SUGCT: variants seen among roughly 807,000 people sequenced by gnomAD.
The protein encoded by SUGCT is succinyl-CoA:glutarate CoA-transferase.
A neutral mutation model predicts 55.0 loss-of-function variants in SUGCT; 41 were observed. That is an observed-to-expected ratio of 0.74 (90% CI 0.58 to 0.97). The LOEUF (loss-of-function observed/expected upper bound fraction) is 0.97, where lower values mean the gene tolerates loss of function less well. SUGCT is among the 50% of genes least tolerant of loss of function. The pLI is 0.00. For missense variants in SUGCT, 568 were observed against 547.8 expected (o/e 1.04, Z -0.37); for synonymous variants, 187 against 200.4 (o/e 0.93, Z 0.56).
chr7:40,795,822 G>A (rs1246906909), intron 13 of SUGCT, among the ~76,000 whole-genome samples: 1 of 152,138 alleles, frequency 6.6e-6, no homozygotes, highest in African/African-American at 2.4e-5. Flanking sequence ...ATGGGAACTT[G>A]GGAAGGTGAA....
At chr7:40,389,542 A>G (rs1273541500) in intron 9 of SUGCT, among the ~76,000 whole-genome samples, 1 of 152,234 alleles carries the variant, frequency 6.6e-6, no homozygotes, top group African/African-American at 2.4e-5. Context: ...GCAACAAACA[A>G]TAATAACTAC....
chr7:40,738,932 T>A (rs528423660), intron 12 of SUGCT, among the ~76,000 whole-genome samples: 1 of 152,294 alleles, frequency 6.6e-6, no homozygotes, highest in African/African-American at 2.4e-5. Flanking sequence ...AAATGTTTTC[T>A]ACTAAAACTC....
intron 12 of SUGCT, among the ~76,000 whole-genome samples, chr7:40,639,240 A>C (rs1305274029): frequency 1.3e-5 from 2 of 152,274 alleles, no homozygotes; most frequent in African/African-American, 4.8e-5. Context: ...GTAAACTGTG[A>C]TGGCAGGACC....
chr7:40,457,530 A>G (rs1396311237), intron 10 of SUGCT, among the ~76,000 whole-genome samples: 1 of 152,130 alleles, frequency 6.6e-6, no homozygotes, highest in African/African-American at 2.4e-5. Context: ...ATTTTCATGT[A>G]CATTGTTTTA....
chr7:40,443,767 T>A (rs922764392), intron 9 of SUGCT, among the ~76,000 whole-genome samples: 1 of 152,218 alleles, frequency 6.6e-6, no homozygotes, highest in African/African-American at 2.4e-5. Flanking sequence ...TTGCCATTGC[T>A]TTTAATGTTT....
At chr7:40,969,123 T>A in the SUGCT span, among the ~76,000 whole-genome samples, 1 of 152,246 alleles carries the variant, frequency 6.6e-6, no homozygotes, top group Non-Finnish European at 1.5e-5. Context: ...GAGATAGTTC[T>A]TTAAACTCCA....
At chr7:40,936,704 T>C in the SUGCT span, among the ~76,000 whole-genome samples, 1 of 151,998 alleles carries the variant, frequency 6.6e-6, no homozygotes, top group South Asian at 2.1e-4. Flanking sequence ...GATGTGAGAT[T>C]GTCTTCTTTT....
At chr7:40,590,130 A>T (rs1353954380) in intron 12 of SUGCT, among the ~76,000 whole-genome samples, 2 of 152,306 alleles carry the variant, frequency 1.3e-5, no homozygotes, top group Admixed American at 6.5e-5. Flanking sequence ...TGTAGTAATT[A>T]TTCTGAGGCA....
intron 12 of SUGCT, among the ~76,000 whole-genome samples, chr7:40,657,027 TG>T (rs1801048788): frequency 1.3e-5 from 2 of 152,344 alleles, no homozygotes; most frequent in South Asian, 4.1e-4. Context: ...ATGAAAAGAT[TG>T]AAACCGTTTA....
chr7:40,689,919 T>G (rs1784619628), intron 12 of SUGCT, among the ~76,000 whole-genome samples: 1 of 152,226 alleles, frequency 6.6e-6, no homozygotes, highest in Non-Finnish European at 1.5e-5. Flanking sequence ...AAGTAGCCAC[T>G]GTAAATTACC....
intron 1 of SUGCT, among the ~76,000 whole-genome samples, chr7:40,157,632 G>A (rs1014158136): frequency 2.6e-5 from 4 of 152,068 alleles, no homozygotes; most frequent in Non-Finnish European, 5.9e-5. Context: ...TATACTTCAG[G>A]TTTAAGCTTT....
chr7:40,217,251 C>T (rs917986090), intron 6 of SUGCT: 1 of 248,498 alleles, frequency 4.0e-6, no homozygotes, highest in Non-Finnish European at 8.2e-6. Flanking sequence ...ACTCTGTCAC[C>T]CAGGCTGGAG....
At chr7:40,212,134 GAGT>G (rs1197730554) in intron 6 of SUGCT, among the ~76,000 whole-genome samples, 1 of 151,884 alleles carries the variant, frequency 6.6e-6, no homozygotes, top group Non-Finnish European at 1.5e-5. Context: ...GTCCAGGCTG[GAGT>G]GTAGTGGCAT....
chr7:40,828,711 T>C (rs1391981460), intron 13 of SUGCT, among the ~76,000 whole-genome samples: 1 of 152,160 alleles, frequency 6.6e-6, no homozygotes, highest in African/African-American at 2.4e-5. Flanking sequence ...GATACCTTTA[T>C]GCAGTAAGAG....
intron 9 of SUGCT, among the ~76,000 whole-genome samples, chr7:40,349,735 C>T (rs1331274393): frequency 2.0e-5 from 3 of 152,290 alleles, no homozygotes; most frequent in East Asian, 1.9e-4. Flanking sequence ...TGCAGTGGCA[C>T]GATCATGGCT....
intron 9 of SUGCT, among the ~76,000 whole-genome samples, chr7:40,448,132 TAA>T (rs1442309686): frequency 6.6e-6 from 1 of 152,036 alleles, no homozygotes; most frequent in East Asian, 1.9e-4. Flanking sequence ...CCACTAAAAT[TAA>T]AGAGTGCCCA....
the SUGCT span, among the ~76,000 whole-genome samples, chr7:40,957,447 CTTTTTTTTTT>C: frequency 2.2e-4 from 17 of 76,104 alleles, no homozygotes; most frequent in East Asian, 1.4e-3. Flanking sequence ...GCAACCCCTG[CTTTTTTTTTT>C]TTTTTTTTTT....
At chr7:40,953,099 T>C in the SUGCT span, among the ~76,000 whole-genome samples, 2 of 152,236 alleles carry the variant, frequency 1.3e-5, no homozygotes, top group Admixed American at 6.5e-5. Context: ...CAATCAGACG[T>C]AGATTTGGTC....
intron 9 of SUGCT, among the ~76,000 whole-genome samples, chr7:40,362,744 A>G (rs990555223): frequency 6.6e-6 from 1 of 152,196 alleles, no homozygotes; most frequent in South Asian, 2.1e-4. Context: ...TTTGAAATGT[A>G]CAACTCAGTG....
Sources: allele counts gnomAD v4.1 joint callset (sites outside exome capture counted in the v4.1 genomes callset), GRCh38; gene constraint gnomAD v4.1.1; transcripts MANE v1.5; gene names NCBI Gene and HGNC (gene_info 2026-07-23, HGNC 2026-07-21).